Variants in EPM2A observed in about 807,000 individuals in gnomAD.
EPM2A encodes the protein laforin.
A neutral mutation model predicts 26.5 loss-of-function variants in EPM2A; 21 were observed. The observed-to-expected ratio is 0.79, with a 90% CI of 0.56 to 1.14. The LOEUF is 1.14. Among genes scored for constraint, EPM2A ranks in the 50% most tolerant of loss-of-function variants. The pLI, the probability that EPM2A is intolerant of heterozygous loss-of-function variation, is 0.00. For missense variants in EPM2A, 458 were observed against 440.8 expected, an observed-to-expected ratio of 1.04 and a Z score of -0.35; for synonymous variants, 217 against 177.6, an observed-to-expected ratio of 1.22 and a Z score of -1.76.
intron 2 of EPM2A, among the ~76,000 whole-genome samples, chr6:145,617,762 G>A (rs563534196): frequency 6.6e-6 from 1 of 152,056 alleles, no homozygotes; most frequent in Non-Finnish European, 1.5e-5. Flanking sequence ...GACATAGTGA[G>A]ACCCCCATCT....
intron 2 of EPM2A, among the ~76,000 whole-genome samples, chr6:145,588,454 C>G (rs1458390942): frequency 6.6e-6 from 1 of 152,076 alleles, no homozygotes; most frequent in Non-Finnish European, 1.5e-5. Context: ...TTCAGAAAAC[C>G]TGACTCCAAT....
chr6:145,440,960 C>A (rs561629640), intron 4 of EPM2A, among the ~76,000 whole-genome samples: 1 of 152,332 alleles, frequency 6.6e-6, no homozygotes, highest in African/African-American at 2.4e-5. Flanking sequence ...TGCCCCTCTT[C>A]TCACAGCTCC....
chr6:145,635,783 T>C (rs1283274801), intron 2 of EPM2A: 1 of 339,286 alleles, frequency 2.9e-6, no homozygotes, highest in Admixed American at 4.2e-5. Flanking sequence ...CATGAATGCA[T>C]ATATGGTTCC....
At chr6:145,467,013 G>A (rs1779407157) in intron 4 of EPM2A, among the ~76,000 whole-genome samples, 1 of 152,114 alleles carries the variant, frequency 6.6e-6, no homozygotes, top group African/African-American at 2.4e-5. Context: ...GGAGTGGAGA[G>A]GGATAGCACT....
At chr6:145,653,749 G>A (rs923853822) in intron 2 of EPM2A, among the ~76,000 whole-genome samples, 2 of 152,232 alleles carry the variant, frequency 1.3e-5, no homozygotes, top group Non-Finnish European at 1.5e-5. Context: ...GGGGAAGTCA[G>A]TCTTTTCTTA....
intron 2 of EPM2A, among the ~76,000 whole-genome samples, chr6:145,606,618 T>C (rs563726933): frequency 7.2e-5 from 11 of 152,258 alleles, no homozygotes; most frequent in Admixed American, 1.3e-4. Context: ...AAGCTATGCA[T>C]GTAGTTTGAG....
intron 4 of EPM2A, among the ~76,000 whole-genome samples, chr6:145,406,610 A>G (rs1319766884): frequency 6.6e-6 from 1 of 152,186 alleles, no homozygotes; most frequent in African/African-American, 2.4e-5. Flanking sequence ...GCAATAGCCC[A>G]GGCAGGTGGT....
intron 4 of EPM2A, among the ~76,000 whole-genome samples, chr6:145,387,460 T>C (rs1420603292): frequency 1.3e-5 from 2 of 152,098 alleles, no homozygotes; most frequent in Non-Finnish European, 2.9e-5. Flanking sequence ...CCATCTCTTC[T>C]TGTCTCCTGA....
At chr6:145,663,263 G>T (rs1778870079) in intron 2 of EPM2A, among the ~76,000 whole-genome samples, 1 of 152,198 alleles carries the variant, frequency 6.6e-6, no homozygotes, top group Non-Finnish European at 1.5e-5. Context: ...GAACTAAGAT[G>T]GCCGAATAGG....
intron 1 of EPM2A, among the ~76,000 whole-genome samples, chr6:145,724,317 A>G (rs1477211370): frequency 1.3e-5 from 2 of 152,158 alleles, no homozygotes; most frequent in African/African-American, 4.8e-5. Context: ...TTAATTGTTT[A>G]AGAAAAACTA....
At position 145,635,387 on chromosome 6, in the gene EPM2A, G is replaced by A; in HGVS notation, c.576C>T (p.Phe192=). 4 of 1,614,140 alleles carry A rather than the reference G, an allele frequency of 2.5e-6. No homozygotes were observed. The highest frequency in any genetic ancestry group is 3.4e-6 in the Non-Finnish European group (4 of 1,180,010). Residue 192 remains phenylalanine (F), a synonymous_variant, in exon 3 of 4, where the codon TTC becomes TTT. Transcript: ENST00000367519. The part of the protein sequence containing the change: ...HELGITAVMN[F]QTEWDIVQNS... ...TCTGTACAATATCCCATTCAGTCTG[G>A]AAATTCATTACAGCTGTAATCCCCA...
At chr6:145,484,127 A>G (rs546723285) in intron 4 of EPM2A, among the ~76,000 whole-genome samples, 21 of 152,080 alleles carry the variant, frequency 1.4e-4, no homozygotes, top group Non-Finnish European at 2.8e-4. Context: ...ACAGCTGAAA[A>G]TTCTATTTTA....
rs1051074734 is a variant in EPM2A at position 145,625,770 on chromosome 6, T to C, written c.*1646A>G. ...ATCTCCCCTAAGTGCCACAGTTCTA[T>C]CTCCCCGTCCTCTGAGCTCCACTGA... is the stretch of plus-strand genomic sequence containing the variant. On this transcript the variant is annotated 3_prime_UTR_variant, in exon 4 of 4. Coordinates refer to ENST00000367519, the MANE Select transcript of EPM2A (RefSeq NM_005670.4). 3 of 1,266,944 alleles carry C rather than the reference T, an allele frequency of 2.4e-6. No individual in the cohort carries two copies. The African/African-American group carries it at 4.4e-5, about 19-fold the overall frequency. 78.5% of individuals were successfully genotyped at this position (1,266,944 alleles called of 1,614,324 possible).
chr6:145,519,110 A>C (rs1354665409), intron 2 of EPM2A, among the ~76,000 whole-genome samples: 2 of 152,194 alleles, frequency 1.3e-5, no homozygotes, highest in Admixed American at 6.5e-5. Flanking sequence ...GTACTTTATA[A>C]ATGTCATAAG....
chr6:145,501,629 C>T (rs1336351518), exon 4 of EPM2A: 5 of 365,986 alleles, frequency 1.4e-5, no homozygotes, highest in Non-Finnish European at 2.8e-5. Flanking sequence ...CAGAGCATGC[C>T]TATTATTACA....
At chr6:145,676,854 A>T (rs576752759) in intron 2 of EPM2A, among the ~76,000 whole-genome samples, 1 of 152,284 alleles carries the variant, frequency 6.6e-6, no homozygotes, top group South Asian at 2.1e-4. Context: ...AGAGGTACAA[A>T]GAGGAGCTGG....
chr6:145,735,582 T>C (rs987727000), upstream of EPM2A: 23 of 1,091,134 alleles, frequency 2.1e-5, no homozygotes, highest in African/African-American at 3.2e-4. Flanking sequence ...GCCGCAGCGA[T>C]TGGGCGGTGG....
intron 1 of EPM2A, among the ~76,000 whole-genome samples, chr6:145,719,082 G>A (rs1183574659): frequency 6.6e-6 from 1 of 152,120 alleles, no homozygotes; most frequent in Admixed American, 6.6e-5. Flanking sequence ...CACGGATCTA[G>A]AACTAGAAAT....
intron 2 of EPM2A, among the ~76,000 whole-genome samples, chr6:145,505,360 T>C (rs1217675891): frequency 6.6e-6 from 1 of 152,064 alleles, no homozygotes; most frequent in East Asian, 1.9e-4. Flanking sequence ...TTTTCATATA[T>C]GTGCTTTATT....
Sources: gnomAD v4.1 joint callset for allele counts (sites outside exome capture counted in the v4.1 genomes callset) on GRCh38, gnomAD v4.1.1 for gene constraint, MANE v1.5 for transcripts, NCBI Gene and HGNC (gene_info 2026-07-23, HGNC 2026-07-21) for gene names.